Variants in DCPS observed in about 807,000 individuals in gnomAD.
DCPS encodes decapping enzyme, scavenger.
DCPS carries 27 observed loss-of-function variants against 34.7 expected under a neutral mutation model. The ratio of observed to expected loss-of-function variants is 0.78; its 90% confidence interval spans 0.57 to 1.07. DCPS has a LOEUF of 1.07. Among genes scored for constraint, DCPS ranks in the 50% least tolerant of loss-of-function variants. DCPS has a pLI of 0.00. For missense variants in DCPS, 464 were observed against 436.9 expected (o/e 1.06, Z -0.55); for synonymous variants, 185 against 185.7 (o/e 1.00, Z 0.03).
Position 126,338,534 on chromosome 11 carries a change from C to T in DCPS, c.636+135C>T. On this transcript the variant is annotated intron_variant, in intron 4 of 5. Coordinates refer to ENST00000263579, the MANE Select transcript of DCPS (RefSeq NM_014026.6). This position sits in a 1 kb window ranked among gnomAD's most constrained non-coding sequence, Gnocchi z 5.4. ...TAACCAACAAGGGTTGGCCTGAGCT[C>T]TCTGTGGGGACTGGGTGGATACCTG... is the stretch of plus-strand genomic sequence containing the variant. 1 of 782,232 alleles carries T rather than the reference C, an allele frequency of 1.3e-6. No individual in the cohort carries two copies. Among genetic ancestry groups the T allele is most frequent in the South Asian group, 1.6e-5 (1 of 61,274 alleles). The allele number at this position is 782,232 out of a possible 1,614,324, so 48.5% of individuals were successfully genotyped here. A position where few individuals can be genotyped will look rare whatever the true frequency, so the allele number is the denominator to read the frequency against.
At position 126,320,157 on chromosome 11, in the gene DCPS, G is replaced by T. The variant is rs1951693980; in HGVS notation, c.377-11248G>T. Among the ~76,000 whole-genome samples, 1 of 152,040 alleles carries T rather than the reference G, an allele frequency of 6.6e-6. No individual in the cohort carries two copies. The highest frequency in any genetic ancestry group is 1.5e-5 in the Non-Finnish European group (1 of 68,026). ...CTGCCTCAGCCTCTCAAAGTGCTGG[G>T]ATTACAGGCATGAGCTACGGTGCCT... On this transcript the variant is annotated intron_variant, in intron 2 of 5. Transcript: ENST00000263579. This position sits in a 1 kb window ranked among gnomAD's most constrained non-coding sequence, Gnocchi z 4.7.
intron 2 of DCPS, among the ~76,000 whole-genome samples, chr11:126,318,472 G>A (rs1371696132): frequency 6.6e-6 from 1 of 152,186 alleles, no homozygotes; most frequent in Non-Finnish European, 1.5e-5. Flanking sequence ...GGAGAGTGTC[G>A]CCTAGCCAGG....
In DCPS at chr11:126,348,872, A is replaced by AT. The variant is rs1445408723; in HGVS notation, c.*3261dup. On this transcript the variant is annotated 3_prime_UTR_variant, in exon 6 of 6. Transcript: ENST00000263579. The surrounding 1 kb of genome is among the most constrained non-coding windows in gnomAD (Gnocchi z 5.3). ...TATAGCAGATCATTTCATGACCCAC[A>AT]TTCTCCTTCCTTTTTACGAAGAAAT... Among the ~76,000 whole-genome samples, 2 of 152,134 alleles carry AT rather than the reference A, an allele frequency of 1.3e-5. No homozygotes were observed. The highest frequency in any genetic ancestry group is 2.9e-5 in the Non-Finnish European group (2 of 68,008).
chr11:126,338,475 T>C lies in DCPS; in HGVS notation c.636+76T>C. 7.5e-7 allele frequency: 1 copy of C among 1,340,722 alleles called. No homozygotes were observed. Among genetic ancestry groups the C allele is most frequent in the South Asian group, 1.2e-5 (1 of 84,846 alleles). 83.1% of individuals were successfully genotyped at this position (1,340,722 alleles called of 1,614,324 possible). On this transcript the variant is annotated intron_variant, in intron 4 of 5. Coordinates refer to ENST00000263579, the MANE Select transcript of DCPS (RefSeq NM_014026.6). The surrounding 1 kb of genome is among the most constrained non-coding windows in gnomAD (Gnocchi z 5.4). ...TGCTGGTCCTTCTGACTGCCCTCTT[T>C]CTCACGCTGGCCTGTCTCTAAGCAG...
intron 5 of DCPS, among the ~76,000 whole-genome samples, 189 bp downstream of exon 5, chr11:126,343,606 C>T (rs190571274): frequency 2.0e-5 from 3 of 152,284 alleles, no homozygotes; most frequent in African/African-American, 7.2e-5. Flanking sequence ...GGTCCTGCCA[C>T]CTTTCCTCAC....
In DCPS at chr11:126,346,631, C is replaced by T. The variant is rs1951931953; in HGVS notation, c.*1018C>T. 6.6e-6 allele frequency among the ~76,000 whole-genome samples: 1 copy of T among 152,208 alleles called. No individual in the cohort carries two copies. Among genetic ancestry groups the T allele is most frequent in the South Asian group, 2.1e-4 (1 of 4,834 alleles). ...GAGGGGCTGGTGTTTGCCACTTTGT[C>T]AGAGTAGGGCTGTGGATTTTGTGCC... On this transcript the variant is annotated 3_prime_UTR_variant, in exon 6 of 6. Coordinates refer to ENST00000263579, the MANE Select transcript of DCPS (RefSeq NM_014026.6). The surrounding 1 kb of genome is among the most constrained non-coding windows in gnomAD (Gnocchi z 4.1).
chr11:126,334,919 T>C lies in DCPS; in HGVS notation c.523-3367T>C, dbSNP rs146677631. Among the ~76,000 whole-genome samples the C allele has an allele frequency of 8.3e-4, 127 of 152,356 alleles. No homozygotes were observed. Among genetic ancestry groups the C allele is most frequent in the Non-Finnish European group, 1.2e-3 (79 of 68,032 alleles). On this transcript the variant is annotated intron_variant, in intron 3 of 5. Coordinates refer to ENST00000263579, the MANE Select transcript of DCPS (RefSeq NM_014026.6). The surrounding 1 kb of genome is among the most constrained non-coding windows in gnomAD (Gnocchi z 5.5). ...TCTGTCATCTAAGAGCAGCGTGACA[T>C]TGTCCTTAATTTCGGAGCCCTGGTT... is the stretch of plus-strand genomic sequence containing the variant.
chr11:126,348,341 C>T lies in DCPS; in HGVS notation c.*2728C>T, dbSNP rs1274601701. Among the ~76,000 whole-genome samples the T allele has an allele frequency of 6.6e-6, 1 of 152,188 alleles. No homozygotes were observed. The highest frequency in any genetic ancestry group is 1.9e-4 in the East Asian group (1 of 5,184). On this transcript the variant is annotated 3_prime_UTR_variant, in exon 6 of 6. Transcript: ENST00000263579. This position sits in a 1 kb window ranked among gnomAD's most constrained non-coding sequence, Gnocchi z 5.3. Reference sequence around the variant, plus strand: ...CTCTCCCAGCCTCGTTTATCTTCACCACAGTACAGAAGGGGGCCCCTCTCC... The same window carrying T: ...CTCTCCCAGCCTCGTTTATCTTCACTACAGTACAGAAGGGGGCCCCTCTCC...
In DCPS at chr11:126,319,329, G is replaced by C. The variant is rs1471714699; in HGVS notation, c.377-12076G>C. On this transcript the variant is annotated intron_variant, in intron 2 of 5. Transcript: ENST00000263579. The surrounding 1 kb of genome is among the most constrained non-coding windows in gnomAD (Gnocchi z 4.5). ...TTGGTAGGGGAGGTGGTAGGGGACA[G>C]GATGGTACCACAAATGTAGGCCAAA... Among the ~76,000 whole-genome samples, 2 of 152,156 alleles carry C rather than the reference G, an allele frequency of 1.3e-5. No individual in the cohort carries two copies. The highest frequency in any genetic ancestry group is 4.8e-5 in the African/African-American group (2 of 41,426).
intron 4 of DCPS, among the ~76,000 whole-genome samples, chr11:126,340,467 G>A (rs577539013): frequency 2.0e-5 from 3 of 152,160 alleles, no homozygotes; most frequent in Non-Finnish European, 4.4e-5. Flanking sequence ...GACTACAGGC[G>A]TGAGCCACCG....
At chr11:126,321,420 G>A (rs970989501) in intron 2 of DCPS, among the ~76,000 whole-genome samples, 1 of 152,156 alleles carries the variant, frequency 6.6e-6, no homozygotes, top group Non-Finnish European at 1.5e-5. Context: ...CCATCCAGCT[G>A]CTGCCCTTTC....
At chr11:126,318,755 C>T (rs1481261165) in intron 2 of DCPS, among the ~76,000 whole-genome samples, 1 of 152,198 alleles carries the variant, frequency 6.6e-6, no homozygotes, top group Non-Finnish European at 1.5e-5. Context: ...GCAAAAGCCA[C>T]AGACTGAGCC....
intron 1 of DCPS, 134 bp downstream of exon 1, chr11:126,304,415 A>G: frequency 1.0e-6 from 1 of 990,398 alleles, no homozygotes; most frequent in East Asian, 2.6e-5. Flanking sequence ...GGAGTGCGCC[A>G]CTAGAATGCA....
chr11:126,341,523 G>A (rs1418929244), intron 4 of DCPS: 1 of 152,248 alleles, frequency 6.6e-6, no homozygotes, highest in Admixed American at 6.5e-5. Flanking sequence ...CAGGCTCCAT[G>A]CCCTATTCTG....
Position 126,315,292 on chromosome 11 carries a change from G to T in DCPS, c.376+8548G>T, listed in dbSNP as rs1357243451. On this transcript the variant is annotated intron_variant, in intron 2 of 5. Coordinates refer to ENST00000263579, the MANE Select transcript of DCPS (RefSeq NM_014026.6). This position sits in a 1 kb window ranked among gnomAD's most constrained non-coding sequence, Gnocchi z 6.1. The stretch of plus-strand genomic sequence containing the variant: ...GAATATTTCTGGGCTGGGTGCAGTA[G>T]CTCATGCCTGTAATTCCAGCACTTT... Among the ~76,000 whole-genome samples the T allele has an allele frequency of 1.3e-5, 2 of 152,080 alleles. No individual in the cohort carries two copies. The highest frequency in any genetic ancestry group is 2.9e-5 in the Non-Finnish European group (2 of 68,030).
intron 4 of DCPS, chr11:126,341,829 A>G (rs1047481997): frequency 1.3e-5 from 2 of 152,302 alleles, no homozygotes; most frequent in Non-Finnish European, 2.9e-5. Context: ...GGCCTGGTGC[A>G]TGTAGCTCAG....
rs1473471262 is a variant in DCPS at position 126,327,776 on chromosome 11, C to T, written c.377-3629C>T. ...GTCGAAAAGGCCAGATTCATTGATT[C>T]ATTTGTTCACTAAGTATTTACTGAG... is the stretch of plus-strand genomic sequence containing the variant. On this transcript the variant is annotated intron_variant, in intron 2 of 5. Coordinates refer to ENST00000263579, the MANE Select transcript of DCPS (RefSeq NM_014026.6). This position sits in a 1 kb window ranked among gnomAD's most constrained non-coding sequence, Gnocchi z 4.1. Among the ~76,000 whole-genome samples the T allele has an allele frequency of 1.3e-5, 2 of 152,210 alleles. No homozygotes were observed. The highest frequency in any genetic ancestry group is 2.9e-5 in the Non-Finnish European group (2 of 68,034).
intron 2 of DCPS, among the ~76,000 whole-genome samples, chr11:126,318,586 T>C (rs1361057661): frequency 6.6e-6 from 1 of 152,242 alleles, no homozygotes; most frequent in Non-Finnish European, 1.5e-5. Context: ...AGTCCGGTTA[T>C]CTGACCCATC....
In DCPS at chr11:126,320,511, A is replaced by G. The variant is rs549697605; in HGVS notation, c.377-10894A>G. On this transcript the variant is annotated intron_variant, in intron 2 of 5. Coordinates refer to ENST00000263579, the MANE Select transcript of DCPS (RefSeq NM_014026.6). The surrounding 1 kb of genome is among the most constrained non-coding windows in gnomAD (Gnocchi z 4.7). The stretch of plus-strand genomic sequence containing the variant: ...TTCTTAAAAAAAAATTAACCCATCA[A>G]GACTACAAGGGCGGGGTGCAGTGGC... Among the ~76,000 whole-genome samples, 10 of 152,288 alleles carry G rather than the reference A, an allele frequency of 6.6e-5. No individual in the cohort carries two copies. The East Asian group carries it at 1.9e-3, about 29-fold the overall frequency.
Sources: allele counts gnomAD v4.1 joint callset (sites outside exome capture counted in the v4.1 genomes callset), GRCh38; gene constraint gnomAD v4.1.1; non-coding constraint Gnocchi (gnomAD v3.1); transcripts MANE v1.5; gene names NCBI Gene and HGNC (gene_info 2026-07-23, HGNC 2026-07-21).